Variants in TRIO observed in about 807,000 individuals in gnomAD.
The protein encoded by TRIO is triple functional domain protein.
TRIO carries 58 observed loss-of-function variants against 351.9 expected under a neutral mutation model. The ratio of observed to expected loss-of-function variants is 0.16; its 90% CI spans 0.13 to 0.21. The LOEUF (loss-of-function observed/expected upper bound fraction) is 0.21, where lower values mean the gene tolerates loss of function less well. Ranked by LOEUF, TRIO falls within the 10% of genes least tolerant of loss-of-function variation. The pLI, the probability that TRIO is intolerant of heterozygous loss-of-function variation, is 1.00. For missense variants in TRIO, 3,201 were observed against 4,027.8 expected (o/e 0.79, Z 5.56); for synonymous variants, 1,758 against 1,595.7 (o/e 1.10, Z -2.42).
intron 10 of TRIO, among the ~76,000 whole-genome samples, chr5:14,334,507 T>C (rs1009790228): frequency 6.6e-5 from 10 of 152,248 alleles, no homozygotes; most frequent in African/African-American, 2.2e-4. Flanking sequence ...AGAAACGTAA[T>C]ACTTGGCTGT....
intron 1 of TRIO, among the ~76,000 whole-genome samples, chr5:14,259,789 G>GT (rs35558584): frequency 0.12 from 17,627 of 148,996 alleles, 1,744 homozygotes; most frequent in African/African-American, 0.28. Context: ...CAGGTTTTTT[G>GT]TTTTTTTTTT....
intron 2 of TRIO, among the ~76,000 whole-genome samples, chr5:14,278,030 A>G (rs749032503): frequency 3.9e-5 from 6 of 152,246 alleles, no homozygotes; most frequent in Non-Finnish European, 8.8e-5. Flanking sequence ...GAAAAGGAAA[A>G]GTGAAAATTT....
chr5:14,153,601 C>T (rs1396472356), intron 1 of TRIO, among the ~76,000 whole-genome samples: 1 of 152,130 alleles, frequency 6.6e-6, no homozygotes, highest in Non-Finnish European at 1.5e-5. Flanking sequence ...AAGCAGCTCC[C>T]CCTCCTTCAG....
At chr5:14,410,128 G>A (rs1749072154) in intron 33 of TRIO, among the ~76,000 whole-genome samples, 1 of 152,204 alleles carries the variant, frequency 6.6e-6, no homozygotes, top group African/African-American at 2.4e-5. Context: ...CAGAACCACA[G>A]CGGGTGTCTT....
intron 8 of TRIO, among the ~76,000 whole-genome samples, chr5:14,305,614 A>C (rs1222331908): frequency 6.6e-6 from 1 of 152,216 alleles, no homozygotes; most frequent in Non-Finnish European, 1.5e-5. Flanking sequence ...ATCTTGATCC[A>C]AACACATCCA....
At chr5:14,226,576 T>G (rs1581393302) in intron 1 of TRIO, among the ~76,000 whole-genome samples, 1 of 152,270 alleles carries the variant, frequency 6.6e-6, no homozygotes, top group African/African-American at 2.4e-5. Context: ...AGTAGTTTTC[T>G]TTTGCACAAT....
At chr5:14,165,100 C>A (rs1468608727) in intron 1 of TRIO, among the ~76,000 whole-genome samples, 1 of 152,214 alleles carries the variant, frequency 6.6e-6, no homozygotes, top group Non-Finnish European at 1.5e-5. Context: ...TAAGCCTTCC[C>A]AGTAGCTCTA....
chr5:14,481,734 C>A, intron 45 of TRIO, 116 bp downstream of exon 45: 6 of 775,666 alleles, frequency 7.7e-6, no homozygotes, highest in Non-Finnish European at 1.0e-5. Flanking sequence ...TTTCTGGCTT[C>A]TCTCACTTTA....
intron 34 of TRIO, among the ~76,000 whole-genome samples, chr5:14,423,680 G>T (rs1478065882): frequency 1.3e-5 from 2 of 152,162 alleles, no homozygotes; most frequent in Non-Finnish European, 2.9e-5. Flanking sequence ...ACAAACCTGG[G>T]CAAATGAGCG....
At chr5:14,449,537 G>A (rs1752686369) in intron 34 of TRIO, among the ~76,000 whole-genome samples, 1 of 152,288 alleles carries the variant, frequency 6.6e-6, no homozygotes, top group East Asian at 1.9e-4. Flanking sequence ...TCACAAGGCA[G>A]AACAGCTATA....
At position 14,462,790 on chromosome 5, in the gene TRIO, C is replaced by G. The variant is rs765278223; in HGVS notation, c.5532C>G (p.Leu1844=). 5 of 1,614,122 alleles carry G rather than the reference C, an allele frequency of 3.1e-6. No individual in the cohort carries two copies. The change falls in exon 36 of 57, where the codon CTC becomes CTG. Residue 1844 remains leucine (L), a synonymous_variant. Coordinates refer to ENST00000344204, the MANE Select transcript of TRIO (RefSeq NM_007118.4). ...GRNEGLSSGT[L]SKSSSSGMQS... ...ACGAGGGCCTGAGCAGCGGTACTCT[C>G]TCCAAATCCTCCTCCTCGGGGATGC...
At chr5:14,400,536 G>A (rs1240248343) in intron 30 of TRIO, among the ~76,000 whole-genome samples, 3 of 152,228 alleles carry the variant, frequency 2.0e-5, no homozygotes, top group Non-Finnish European at 4.4e-5. Context: ...AGAATAAGCT[G>A]TTAAAACATC....
Position 14,363,939 on chromosome 5 carries a change from C to G in TRIO, c.2587+12C>G, listed in dbSNP as rs777293672. On this transcript the variant is annotated intron_variant, in intron 14 of 56. Transcript: ENST00000344204. ...GGTCCAGGCCTCTGGTAAGAGGGCT[C>G]ACTCCATCTGTGTCCGTTGTGATTT... 2 of 1,608,896 alleles carry G rather than the reference C, an allele frequency of 1.2e-6. No individual in the cohort carries two copies. Among genetic ancestry groups the G allele is most frequent in the East Asian group, 2.2e-5 (1 of 44,788 alleles).
intron 34 of TRIO, among the ~76,000 whole-genome samples, chr5:14,455,667 A>G (rs933022101): frequency 2.6e-4 from 39 of 151,946 alleles, no homozygotes; most frequent in Non-Finnish European, 2.9e-4. Context: ...CTAAACATAA[A>G]TGTTCTCCAA....
At position 14,492,798 on chromosome 5, in the gene TRIO, C is replaced by A. The variant is rs146525516; in HGVS notation, c.7864C>A (p.Pro2622Thr). ...CACCAGTGCAGTCATCGTGGAGAAC[C>A]CGGACGGGACTCTCAAGTGAGTGCT... ...GHTSAVIVEN[P>T]DGTLKKSTSW... Residue 2622 changes from proline to threonine, a missense_variant, in exon 49 of 57, where the codon CCG becomes ACG. Physicochemically the swap from Pro to Thr is conservative, Grantham distance 38 (BLOSUM62 -1). Transcript: ENST00000344204. 36 of 1,613,780 alleles carry A rather than the reference C, an allele frequency of 2.2e-5. No individual in the cohort carries two copies. The African/African-American group carries it at 4.4e-4, about 20-fold the overall frequency.
chr5:14,287,733 G>A (rs935459873), intron 4 of TRIO, among the ~76,000 whole-genome samples: 1 of 152,188 alleles, frequency 6.6e-6, no homozygotes, highest in African/African-American at 2.4e-5. Flanking sequence ...GATTATGGGA[G>A]GAAAGTCTTC....
Position 14,479,993 on chromosome 5 carries a change from G to T in TRIO, c.6318G>T (p.Lys2106Asn), listed in dbSNP as rs775298137. 1.9e-6 allele frequency: 3 copies of T among 1,614,162 alleles called. No homozygotes were observed. The highest frequency in any genetic ancestry group is 2.5e-6 in the Non-Finnish European group (3 of 1,179,992). Reference protein sequence around the residue: ...LLIKPVQRIMKYQLLLKDFLK... With the variant: ...LLIKPVQRIMNYQLLLKDFLK... ...TCAAACCAGTGCAGAGAATCATGAA[G>T]TATCAGCTGTTACTGAAGGTGAGGA... is the stretch of plus-strand genomic sequence containing the variant. The change falls in exon 43 of 57, where the codon AAG becomes AAT. Residue 2106 changes from lysine to asparagine, a missense_variant. This residue lies in a region of TRIO where 307 missense variants were observed against 396.5 expected (regional missense o/e 0.77). Coordinates refer to ENST00000344204, the MANE Select transcript of TRIO (RefSeq NM_007118.4).
At chr5:14,484,084 C>G (rs566184005) in intron 46 of TRIO, among the ~76,000 whole-genome samples, 1 of 151,896 alleles carries the variant, frequency 6.6e-6, no homozygotes, top group East Asian at 1.9e-4. Flanking sequence ...ACTCATCCAT[C>G]CCGGGCACTG....
In TRIO at chr5:14,487,507, C is replaced by CGGCGGCGGCGGCGGCAGCGGG; in HGVS notation, c.6883_6903dup (p.Gly2295_Gly2301dup). On this transcript the variant is annotated inframe_insertion, in exon 48 of 57. Coordinates refer to ENST00000344204, the MANE Select transcript of TRIO (RefSeq NM_007118.4). ...AGTACCAGAGGAACCACAGCGGGGG[C>CGGCGGCGGCGGCGGCAGCGGG]GGCGGCGGCGGCGGCAGCGGGGGCA... 3 of 916,886 alleles carry CGGCGGCGGCGGCGGCAGCGGG rather than the reference C, an allele frequency of 3.3e-6. No homozygotes were observed. The highest frequency in any genetic ancestry group is 1.8e-5 in the African/African-American group (1 of 55,516). 56.8% of individuals were successfully genotyped at this position (916,886 alleles called of 1,614,324 possible).
Sources: allele counts gnomAD v4.1 joint callset (sites outside exome capture counted in the v4.1 genomes callset), GRCh38; gene constraint gnomAD v4.1.1; regional missense constraint gnomAD v4.1.1; transcripts MANE v1.5; gene names NCBI Gene and HGNC (gene_info 2026-07-23, HGNC 2026-07-21).